UGT1A7: variants seen among roughly 807,000 people sequenced by gnomAD.
UGT1A7 encodes UDP glucuronosyltransferase family 1 member A7, also known as UDP-glucuronosyltransferase 1A7.
Under a neutral mutation model 45.6 loss-of-function variants are expected in UGT1A7, and 33 were observed. The ratio of observed to expected loss-of-function variants is 0.72; its 90% CI spans 0.55 to 0.97. The LOEUF is 0.97. Ranked by LOEUF, UGT1A7 falls within the 50% of genes least tolerant of loss-of-function variation. UGT1A7 has a pLI of 0.00. For missense variants in UGT1A7, 684 were observed against 666.2 expected (o/e 1.03, Z -0.29); for synonymous variants, 274 against 250.6 (o/e 1.09, Z -0.88).
chr2:233,765,190 A>G (rs186057259), intron 1 of UGT1A7, among the ~76,000 whole-genome samples: 22 of 152,308 alleles, frequency 1.4e-4, no homozygotes, highest in Admixed American at 5.2e-4. Flanking sequence ...ACATCACACA[A>G]TCATATTAGT....
intron 1 of UGT1A7, among the ~76,000 whole-genome samples, chr2:233,722,549 T>C (rs2077022097): frequency 6.6e-6 from 1 of 152,228 alleles, no homozygotes; most frequent in East Asian, 1.9e-4. Flanking sequence ...CTAGTTTCTT[T>C]TGGTTGATTT....
chr2:233,687,751 T>A (rs2074861561), intron 1 of UGT1A7, among the ~76,000 whole-genome samples: 1 of 151,964 alleles, frequency 6.6e-6, no homozygotes, highest in Admixed American at 6.6e-5. Context: ...AAAAATGTTT[T>A]AAAAATTAGC....
intron 1 of UGT1A7, among the ~76,000 whole-genome samples, chr2:233,720,100 C>T (rs1458548805): frequency 2.0e-5 from 3 of 152,132 alleles, no homozygotes; most frequent in African/African-American, 7.2e-5. Flanking sequence ...TTAGTGGTCC[C>T]ATCTTGCGAA....
chr2:233,761,044 G>C (rs1697654904), intron 1 of UGT1A7: 3 of 1,614,190 alleles, frequency 1.9e-6, no homozygotes, highest in Non-Finnish European at 2.5e-6. Flanking sequence ...CTCTGCATCT[G>C]TCTGGCTGTT....
intron 1 of UGT1A7, among the ~76,000 whole-genome samples, chr2:233,728,438 T>G (rs767201537): frequency 1.4e-4 from 22 of 152,276 alleles, no homozygotes; most frequent in Non-Finnish European, 2.1e-4. Context: ...CCATGGTGTA[T>G]ATGGAGAATC....
chr2:233,704,198 A>G (rs1008604482), intron 1 of UGT1A7, among the ~76,000 whole-genome samples: 1 of 137,780 alleles, frequency 7.3e-6, no homozygotes, highest in Non-Finnish European at 1.6e-5. Flanking sequence ...GCCCCATTTT[A>G]CTTTTTATGC....
At chr2:233,725,138 T>G (rs1450596211) in intron 1 of UGT1A7, among the ~76,000 whole-genome samples, 3 of 132,684 alleles carry the variant, frequency 2.3e-5, no homozygotes, top group Middle Eastern at 3.7e-3. Flanking sequence ...ATGGCAGCAG[T>G]ACAGTCCAGC....
chr2:233,748,016 G>A (rs1039251990), intron 1 of UGT1A7: 59 of 1,613,480 alleles, frequency 3.7e-5, no homozygotes, highest in Middle Eastern at 1.7e-4. Flanking sequence ...ACCCCAGGCC[G>A]ATCATGCCCA....
At chr2:233,749,564 G>C (rs1694221021) in intron 1 of UGT1A7, among the ~76,000 whole-genome samples, 1 of 151,822 alleles carries the variant, frequency 6.6e-6, no homozygotes, top group South Asian at 2.1e-4. Flanking sequence ...GTATTCAATA[G>C]TGAGGCCACT....
chr2:233,755,312 G>A (rs976147893), intron 1 of UGT1A7: 4 of 551,240 alleles, frequency 7.3e-6, no homozygotes, highest in South Asian at 3.7e-5. Flanking sequence ...CACAGCGAGC[G>A]GCAAGGCTGC....
rs1314129216 is a variant in UGT1A7, at chr2:233,719,046, A to T, written c.855+36254A>T. ...GCACATCAAAGAAGAGAAATTTTTC[A>T]CCCTGACAGCCTATGCTGTTCCATG... On this transcript the variant is annotated intron_variant, in intron 1 of 4. Coordinates refer to ENST00000373426, the MANE Select transcript of UGT1A7 (RefSeq NM_019077.3). 6.2e-7 allele frequency: 1 copy of T among 1,614,250 alleles called. No individual in the cohort carries two copies. Among genetic ancestry groups the T allele is most frequent in the Non-Finnish European group, 8.5e-7 (1 of 1,180,040 alleles).
intron 1 of UGT1A7, among the ~76,000 whole-genome samples, chr2:233,715,081 T>C (rs2076431286): frequency 1.3e-5 from 2 of 152,268 alleles, no homozygotes; most frequent in South Asian, 4.1e-4. Flanking sequence ...AGATGGAGTT[T>C]CATCATATTG....
rs753533001 is a variant in UGT1A7, at chr2:233,682,715, G to T, written c.778G>T (p.Glu260Ter). 9 of 1,613,822 alleles carry T rather than the reference G, an allele frequency of 5.6e-6. No homozygotes were observed. The highest frequency in any genetic ancestry group is 7.6e-6 in the Non-Finnish European group (9 of 1,179,794). The change falls in exon 1 of 5, where the codon GAG (glutamate) becomes TAG (stop). Residue 260 changes from glutamate to a stop codon, truncating the protein, a stop_gained. Coordinates refer to ENST00000373426, the MANE Select transcript of UGT1A7 (RefSeq NM_019077.3). LOFTEE classifies it high-confidence loss of function. ...IWLLRTDFVL[E>*]YPKPVMPNMI... ...GTTGTTGCGAACTGACTTTGTTTTG[G>T]AGTATCCCAAACCCGTGATGCCCAA...
intron 1 of UGT1A7, among the ~76,000 whole-genome samples, chr2:233,730,647 C>T (rs2078057207): frequency 6.6e-6 from 1 of 152,076 alleles, no homozygotes; most frequent in Admixed American, 6.6e-5. Flanking sequence ...GATGTGGGGA[C>T]ATCTCAGAGT....
At chr2:233,753,689 A>C (rs1483181557) in intron 1 of UGT1A7, 1 of 152,256 alleles carries the variant, frequency 6.6e-6, no homozygotes, top group African/African-American at 2.4e-5. Flanking sequence ...AAACAATATT[A>C]CAGATGCACT....
At chr2:233,706,574 G>A (rs1295040383) in intron 1 of UGT1A7, among the ~76,000 whole-genome samples, 5 of 152,174 alleles carry the variant, frequency 3.3e-5, no homozygotes, top group African/African-American at 1.2e-4. Flanking sequence ...TAGGGTAAGA[G>A]TGGAGATGGG....
intron 1 of UGT1A7, among the ~76,000 whole-genome samples, chr2:233,752,940 A>T (rs1005921462): frequency 6.6e-6 from 1 of 152,226 alleles, no homozygotes; most frequent in African/African-American, 2.4e-5. Flanking sequence ...CTCTTTGCTG[A>T]CCACTGAACA....
At chr2:233,731,204 C>G (rs755932690) in intron 1 of UGT1A7, among the ~76,000 whole-genome samples, 2 of 151,184 alleles carry the variant, frequency 1.3e-5, no homozygotes, top group Non-Finnish European at 2.9e-5. Context: ...TTATAAAATA[C>G]GTGTTTATTT....
rs879204025 is a variant in UGT1A7, at chr2:233,769,857, CAAA to C, written c.1295+1433_1295+1435del. The C allele has an allele frequency of 9.2e-3, 2,056 of 222,634 alleles. No homozygotes were observed. Among genetic ancestry groups the C allele is most frequent in the South Asian group, 0.014 (129 of 9,020 alleles). The allele number at this position is 222,634 out of a possible 1,614,324, so 13.8% of individuals were successfully genotyped here. On this transcript the variant is annotated intron_variant, in intron 4 of 4. Transcript: ENST00000373426. The surrounding 1 kb of genome is among the most constrained non-coding windows in gnomAD (Gnocchi z 4.4). ...TGGGCAACAGAGTGAGACCCTGTCT[CAAA>C]AAAAAAAAAAAAAATGAAAAGTCCA...
Sources: allele counts gnomAD v4.1 joint callset (sites outside exome capture counted in the v4.1 genomes callset), GRCh38; gene constraint gnomAD v4.1.1; non-coding constraint Gnocchi (gnomAD v3.1); transcripts MANE v1.5; gene names NCBI Gene and HGNC (gene_info 2026-07-23, HGNC 2026-07-21).